METAP1: variants seen among roughly 807,000 people sequenced by gnomAD.
METAP1 encodes methionyl aminopeptidase 1, also known as methionine aminopeptidase 1.
Under a neutral mutation model 53.8 loss-of-function variants are expected in METAP1, and 28 were observed. The observed-to-expected ratio is 0.52, with a 90% CI of 0.39 to 0.71. The LOEUF (loss-of-function observed/expected upper bound fraction) is 0.71. Ranked by LOEUF, METAP1 falls within the 30% of genes least tolerant of loss-of-function variation. The pLI, the probability that METAP1 is intolerant of heterozygous loss-of-function variation, is 0.00. For synonymous variants in METAP1, 181 were observed against 165.7 expected (o/e 1.09, Z -0.71); for missense variants, 389 against 479.8 (o/e 0.81, Z 1.77).
chr4:99,014,761 A>C (rs893237665), intron 1 of METAP1, among the ~76,000 whole-genome samples: 1 of 152,234 alleles, frequency 6.6e-6, no homozygotes, highest in East Asian at 1.9e-4. Flanking sequence ...CAGAGTATCC[A>C]GTAAGTGCCC....
At chr4:98,996,011 G>A in intron 1 of METAP1, 144 bp downstream of exon 1, 1 of 672,586 alleles carries the variant, frequency 1.5e-6, no homozygotes, top group Non-Finnish European at 2.6e-6. Flanking sequence ...CCCCACCCGC[G>A]TCGCCACCGC....
intron 1 of METAP1, chr4:99,005,993 C>G (rs1424834704): frequency 6.2e-6 from 1 of 162,518 alleles, no homozygotes; most frequent in African/African-American, 2.4e-5. Flanking sequence ...GATGACTGCA[C>G]TAAAATCTCA....
chr4:99,039,291 T>C lies in METAP1; in HGVS notation c.341-83T>C, dbSNP rs1725672659. The C allele has an allele frequency of 8.9e-6, 7 of 786,730 alleles. No individual in the cohort carries two copies. In the Admixed American group the frequency reaches 1.3e-4, roughly 15 times the overall value. The allele number at this position is 786,730 out of a possible 1,614,324, so 48.7% of individuals were successfully genotyped here. On this transcript the variant is annotated intron_variant, in intron 4 of 10. Transcript: ENST00000296411. ...GTGTGAAACAGTGAGACTACTGTTT[T>C]TATGCCACAGGTTTATAATTATGCA... is the stretch of plus-strand genomic sequence containing the variant.
Position 99,049,177 on chromosome 4 carries a change from A to G in METAP1, c.931+301A>G, listed in dbSNP as rs1016793019. On this transcript the variant is annotated intron_variant, in intron 9 of 10. Transcript: ENST00000296411. Reference sequence around the variant, plus strand: ...TGGGAGTTGCCCTCCTGGTCAGTAGATAGTGGAGATGTTGGGGGTTGAAGC... The same window carrying G: ...TGGGAGTTGCCCTCCTGGTCAGTAGGTAGTGGAGATGTTGGGGGTTGAAGC... Among the ~76,000 whole-genome samples, 15 of 152,164 alleles carry G rather than the reference A, an allele frequency of 9.9e-5. 1 individual carries two copies. The highest frequency in any genetic ancestry group is 2.0e-4 in the Admixed American group (3 of 15,282).
chr4:99,020,469 A>G (rs62325161), intron 1 of METAP1, among the ~76,000 whole-genome samples: 5,638 of 152,174 alleles, frequency 0.037, 136 homozygotes, highest in African/African-American at 0.058. Flanking sequence ...GATATCAGAG[A>G]CTTCTGCCTC....
intron 9 of METAP1, among the ~76,000 whole-genome samples, chr4:99,051,898 C>T (rs1474652258): frequency 6.6e-6 from 1 of 152,062 alleles, no homozygotes; most frequent in Non-Finnish European, 1.5e-5. Context: ...TTCCTCCACT[C>T]CTTCTATGTA....
rs115748382 is a variant in METAP1 at position 99,015,681 on chromosome 4, G to C, written c.115-13186G>C. Among the ~76,000 whole-genome samples, 933 of 152,252 alleles carry C rather than the reference G, an allele frequency of 6.1e-3. 9 individuals carry two copies. The highest frequency in any genetic ancestry group is 0.021 in the African/African-American group (863 of 41,530). On this transcript the variant is annotated intron_variant, in intron 1 of 10. Coordinates refer to ENST00000296411, the MANE Select transcript of METAP1 (RefSeq NM_015143.3). ...ATCGCATCTATGGGAGTGAGAGACTGTTAGATTAAATGGGGGACCAGGACA... is the reference window on the plus strand; with the variant it reads ...ATCGCATCTATGGGAGTGAGAGACTCTTAGATTAAATGGGGGACCAGGACA...
At chr4:99,030,324 C>G (rs1230726298) in intron 2 of METAP1, among the ~76,000 whole-genome samples, 1 of 152,178 alleles carries the variant, frequency 6.6e-6, no homozygotes, top group Non-Finnish European at 1.5e-5. Context: ...AGGGAATAAA[C>G]AGCAAGTGTT....
chr4:99,032,966 T>A (rs1434265953), intron 2 of METAP1, among the ~76,000 whole-genome samples: 5 of 152,196 alleles, frequency 3.3e-5, no homozygotes, highest in Non-Finnish European at 7.4e-5. Flanking sequence ...ATAAATATAT[T>A]CTTTTCCAAA....
intron 2 of METAP1, among the ~76,000 whole-genome samples, chr4:99,031,309 A>G (rs1050088568): frequency 1.3e-5 from 2 of 152,090 alleles, no homozygotes; most frequent in African/African-American, 4.8e-5. Context: ...GTATTATTGT[A>G]CACTTTTTAA....
At chr4:99,055,542 G>C (rs1727049793) in intron 9 of METAP1, among the ~76,000 whole-genome samples, 1 of 152,246 alleles carries the variant, frequency 6.6e-6, no homozygotes, top group Non-Finnish European at 1.5e-5. Flanking sequence ...GTACCTAAGA[G>C]TGTCTGCGAT....
chr4:99,042,510 T>A (rs1452315791), intron 6 of METAP1, among the ~76,000 whole-genome samples: 1 of 152,054 alleles, frequency 6.6e-6, no homozygotes, highest in Non-Finnish European at 1.5e-5. Context: ...CAGACCATGT[T>A]TTTCTGTTAG....
intron 9 of METAP1, among the ~76,000 whole-genome samples, chr4:99,054,796 G>C (rs1726977275): frequency 6.6e-6 from 1 of 152,180 alleles, no homozygotes; most frequent in Non-Finnish European, 1.5e-5. Context: ...AGGGAGGCCT[G>C]AGGAGAGGGA....
At chr4:98,997,879 T>G (rs923791110) in intron 1 of METAP1, among the ~76,000 whole-genome samples, 24 of 152,226 alleles carry the variant, frequency 1.6e-4, no homozygotes, top group Non-Finnish European at 3.2e-4. Flanking sequence ...TGGTCAGCTT[T>G]TAAAATTTCC....
intron 1 of METAP1, chr4:99,022,796 C>T (rs917373073): frequency 6.7e-5 from 107 of 1,597,508 alleles, no homozygotes; most frequent in Non-Finnish European, 7.4e-5. Flanking sequence ...GCGCTTGTCA[C>T]GGAACTCCAC....
chr4:99,031,515 G>T (rs1276743788), intron 2 of METAP1: 1 of 1,288,276 alleles, frequency 7.8e-7, no homozygotes, highest in Admixed American at 2.3e-5. Flanking sequence ...CAGAGAGAAG[G>T]TGTTATGTAA....
chr4:99,060,702 A>G, intron 10 of METAP1, among the ~76,000 whole-genome samples: 1 of 152,154 alleles, frequency 6.6e-6, no homozygotes, highest in South Asian at 2.1e-4. Flanking sequence ...TTCACTTAGC[A>G]TTATGTTCTC....
chr4:99,048,987 G>GT (rs1726478488), intron 9 of METAP1, 111 bp downstream of exon 9: 5 of 1,251,508 alleles, frequency 4.0e-6, no homozygotes, highest in Non-Finnish European at 5.6e-6. Context: ...TCTCTTAGCT[G>GT]TAATAGATAG....
intron 1 of METAP1, among the ~76,000 whole-genome samples, chr4:98,999,720 C>CT (rs1722833742): frequency 6.6e-6 from 1 of 151,352 alleles, no homozygotes; most frequent in South Asian, 2.1e-4. Context: ...ACCGTGTTAG[C>CT]TAGGATGGTC....
Sources: gnomAD v4.1 joint callset for allele counts (sites outside exome capture counted in the v4.1 genomes callset) on GRCh38, gnomAD v4.1.1 for gene constraint, MANE v1.5 for transcripts, NCBI Gene and HGNC (gene_info 2026-07-23, HGNC 2026-07-21) for gene names.